The following SLFN14 variants were observed in gnomAD, a reference collection of about 807,000 sequenced individuals.
The protein encoded by SLFN14 is schlafen family member 14.
In SLFN14, 47 loss-of-function variants were observed where a neutral mutation model predicts 58.6. The ratio of observed to expected loss-of-function variants is 0.80; its 90% confidence interval spans 0.64 to 1.02. The LOEUF is 1.02. Ranked by LOEUF, SLFN14 falls within the 50% of genes least tolerant of loss-of-function variation. The pLI is 0.00. For synonymous variants in SLFN14, 390 were observed against 387.3 expected, an observed-to-expected ratio of 1.01 and a Z score of -0.08; for missense variants, 967 against 1,078.4, an observed-to-expected ratio of 0.90 and a Z score of 1.45.
intron 5 of SLFN14, among the ~76,000 whole-genome samples, chr17:35,552,347 T>C (rs999963094): frequency 1.3e-5 from 2 of 152,052 alleles, no homozygotes; most frequent in African/African-American, 4.8e-5. Flanking sequence ...CTTCCACCTT[T>C]AAACATGGGG....
rs1422767120 is a variant in SLFN14, at chr17:35,557,524, T to C, written c.539A>G (p.Glu180Gly). 12 of 1,551,688 alleles carry C rather than the reference T, an allele frequency of 7.7e-6. No individual in the cohort carries two copies. Among genetic ancestry groups the C allele is most frequent in the Non-Finnish European group, 1.0e-5 (12 of 1,146,996 alleles). Residue 180 changes from glutamate (E) to glycine (G), a missense_variant, in exon 3 of 6, where the codon GAG becomes GGG. By Grantham distance (98) the Glu-to-Gly change is moderately conservative. Transcript: ENST00000674182. ...TGAGGCCAATATCCTCATATCTTCC[T>C]CTTCCTGAATGCATCTATTGAGAAC... is the stretch of plus-strand genomic sequence containing the variant. Reference protein sequence around the residue: ...QQVLNRCIQEEEDMRILASEF... With the variant: ...QQVLNRCIQEGEDMRILASEF...
chr17:35,554,569 G>A lies in SLFN14; in HGVS notation c.1189+7C>T, dbSNP rs2072630732. 3 of 1,523,894 alleles carry A rather than the reference G, an allele frequency of 2.0e-6. No homozygotes were observed. The highest frequency in any genetic ancestry group is 2.6e-6 in the Non-Finnish European group (3 of 1,135,720). 94.4% of individuals were successfully genotyped at this position (1,523,894 alleles called of 1,614,324 possible). On this transcript the variant is annotated splice_region_variant and intron_variant, in intron 4 of 5. Coordinates refer to ENST00000674182, the MANE Select transcript of SLFN14 (RefSeq NM_001129820.2). Reference sequence around the variant, plus strand: ...TAGTCCCCTAAGTTGAAATCAAGAGGGAATACCTGGAAACAAATGTCGTTG... The same window carrying A: ...TAGTCCCCTAAGTTGAAATCAAGAGAGAATACCTGGAAACAAATGTCGTTG...
At position 35,546,076 on chromosome 17, in the gene SLFN14, A is replaced by G. The variant is rs987736112; in HGVS notation, c.*2163T>C. Among the ~76,000 whole-genome samples the G allele has an allele frequency of 6.6e-6, 1 of 152,242 alleles. No individual in the cohort carries two copies. On this transcript the variant is annotated 3_prime_UTR_variant, in exon 6 of 6. Transcript: ENST00000674182. ...TTATTAAAAATTATATGATGCATGC[A>G]TATATTTTAAAAAGTCAAATGGTAC...
At position 35,546,581 on chromosome 17, in the gene SLFN14, A is replaced by T. The variant is rs976324669; in HGVS notation, c.*1658T>A. 6.6e-6 allele frequency among the ~76,000 whole-genome samples: 1 copy of T among 152,230 alleles called. No individual in the cohort carries two copies. Among genetic ancestry groups the T allele is most frequent in the African/African-American group, 2.4e-5 (1 of 41,466 alleles). ...CTAAACTTTTCTAGAAGTTAAAAAC[A>T]GTTTGGAAATATGAATACTTCCAAA... is the stretch of plus-strand genomic sequence containing the variant. On this transcript the variant is annotated 3_prime_UTR_variant, in exon 6 of 6. Coordinates refer to ENST00000674182, the MANE Select transcript of SLFN14 (RefSeq NM_001129820.2).
intron 5 of SLFN14, among the ~76,000 whole-genome samples, 155 bp from the exon 6 acceptor site, chr17:35,549,228 T>C (rs1053143265): frequency 6.6e-6 from 1 of 152,186 alleles, no homozygotes; most frequent in Non-Finnish European, 1.5e-5. Context: ...TAATTACAAG[T>C]TACCTGACAG....
In SLFN14 at chr17:35,548,381, T is replaced by C; in HGVS notation, c.2597A>G (p.Gln866Arg). The C allele has an allele frequency of 6.4e-7, 1 of 1,551,738 alleles. No individual in the cohort carries two copies. The highest frequency in any genetic ancestry group is 1.2e-5 in the South Asian group (1 of 84,068). The change falls in exon 6 of 6, where the codon CAG becomes CGG. Residue 866 changes from glutamine to arginine, a missense_variant. Coordinates refer to ENST00000674182, the MANE Select transcript of SLFN14 (RefSeq NM_001129820.2). ...AGTCCTCTCCAGGCCTGAAAATTGC[T>C]GAATACTGTCTAAAACAATGTGACT... is the stretch of plus-strand genomic sequence containing the variant. The part of the protein sequence containing the change: ...WGSHIVLDSI[Q>R]QFSGLERTVV...
Position 35,557,651 on chromosome 17 carries a change from C to A in SLFN14, c.412G>T (p.Ala138Ser). The change falls in exon 3 of 6, where the codon GCT becomes TCT. Residue 138 changes from alanine to serine, a missense_variant. By Grantham distance (99) the Ala-to-Ser change is moderately conservative (BLOSUM62 1). Coordinates refer to ENST00000674182, the MANE Select transcript of SLFN14 (RefSeq NM_001129820.2). ...SNLYRRDVTS[A>S]INLSASSALE... is the part of the protein sequence containing the mutation. ...GCACTGCTAGCACTCAAGTTGATAGCAGAAGTCACATCTCTCCGATACAAA... is the reference window on the plus strand; with the variant it reads ...GCACTGCTAGCACTCAAGTTGATAGAAGAAGTCACATCTCTCCGATACAAA... 1 of 1,551,672 alleles carries A rather than the reference C, an allele frequency of 6.4e-7. No homozygotes were observed. The highest frequency in any genetic ancestry group is 8.7e-7 in the Non-Finnish European group (1 of 1,146,980).
chr17:35,549,559 A>C (rs775787905), intron 5 of SLFN14, among the ~76,000 whole-genome samples: 1 of 152,254 alleles, frequency 6.6e-6, no homozygotes, highest in Non-Finnish European at 1.5e-5. Flanking sequence ...TTGGTAAGAG[A>C]AACATCAAGA....
chr17:35,555,942 C>T (rs2072648519), intron 3 of SLFN14, among the ~76,000 whole-genome samples: 1 of 152,142 alleles, frequency 6.6e-6, no homozygotes, highest in Non-Finnish European at 1.5e-5. Flanking sequence ...AGGTTATTAG[C>T]TCCTAATGTT....
chr17:35,552,951 G>A lies in SLFN14; in HGVS notation c.1683C>T (p.Asp561=), dbSNP rs888841638. The A allele has an allele frequency of 6.1e-5, 95 of 1,551,402 alleles. No individual in the cohort carries two copies. The highest frequency in any genetic ancestry group is 5.5e-4 in the South Asian group (46 of 84,048). The part of the protein sequence containing the change: ...VSLSSRSLLS[D]QMGCEFFNLL... Reference sequence around the variant, plus strand: ...AGTTGAAAAATTCACAGCCCATCTGGTCACTCAGAAGAGATCTGGAGGACA... The same window carrying A: ...AGTTGAAAAATTCACAGCCCATCTGATCACTCAGAAGAGATCTGGAGGACA... The change falls in exon 5 of 6, where the codon GAC becomes GAT. Residue 561 remains aspartate (D), a synonymous_variant. Coordinates refer to ENST00000674182, the MANE Select transcript of SLFN14 (RefSeq NM_001129820.2).
In SLFN14 at chr17:35,557,590, T is replaced by C. The variant is rs1327614040; in HGVS notation, c.473A>G (p.Gln158Arg). ...CTTCTTCACCCTTGGTCTTCCTCTT[T>C]GGGCTCTAAACCCCTTCTCTCTGAG... ...ELLREKGFRA[Q>R]RGRPRVKKLH... The change falls in exon 3 of 6, where the codon CAA becomes CGA. Residue 158 changes from glutamine to arginine, a missense_variant. Coordinates refer to ENST00000674182, the MANE Select transcript of SLFN14 (RefSeq NM_001129820.2). The C allele has an allele frequency of 2.6e-6, 4 of 1,551,692 alleles. No homozygotes were observed. In the East Asian group the frequency reaches 9.8e-5, roughly 38 times the overall value.
At chr17:35,556,777 GA>G (rs543211996) in intron 3 of SLFN14, among the ~76,000 whole-genome samples, 1 of 151,690 alleles carries the variant, frequency 6.6e-6, no homozygotes, top group Admixed American at 6.6e-5. Context: ...AGAGTCTAAA[GA>G]AAAAAAAGTT....
chr17:35,557,055 G>A lies in SLFN14; in HGVS notation c.1008C>T (p.Val336=). ...CCCACTGCTCAGCTGTCAGCCGTGT[G>A]ACAGAATTGTCTTTCATGATCCAGG... The part of the protein sequence containing the change: ...PDSWIMKDNS[V]TRLTAEQWVV... Residue 336 remains valine, a synonymous_variant, in exon 3 of 6, where the codon GTC becomes GTT. Coordinates refer to ENST00000674182, the MANE Select transcript of SLFN14 (RefSeq NM_001129820.2). The A allele has an allele frequency of 6.4e-7, 1 of 1,551,658 alleles. No homozygotes were observed. Among genetic ancestry groups the A allele is most frequent in the Non-Finnish European group, 8.7e-7 (1 of 1,146,970 alleles).
Position 35,553,242 on chromosome 17 carries a change from G to A in SLFN14, c.1392C>T (p.Asn464=), listed in dbSNP as rs371552357. 40 of 1,551,560 alleles carry A rather than the reference G, an allele frequency of 2.6e-5. No homozygotes were observed. In the African/African-American group the frequency reaches 4.5e-4, roughly 18 times the overall value. Residue 464 remains asparagine, a synonymous_variant, in exon 5 of 6, where the codon AAC becomes AAT. Coordinates refer to ENST00000674182, the MANE Select transcript of SLFN14 (RefSeq NM_001129820.2). ...VLCDALLIAV[N]SPVVLYTILI... is the part of the protein sequence containing the mutation. ...AGATTGTATAGAGTACCACGGGGCT[G>A]TTAACTGCTATCAGGAGAGCATCAC... is the stretch of plus-strand genomic sequence containing the variant.
Position 35,555,046 on chromosome 17 carries a change from TGG to T in SLFN14, c.1061-344_1061-343del, listed in dbSNP as rs201205181. On this transcript the variant is annotated intron_variant, in intron 3 of 5. Coordinates refer to ENST00000674182, the MANE Select transcript of SLFN14 (RefSeq NM_001129820.2). Reference sequence around the variant, plus strand: ...ATCTCTAAGAAGAAAAGGCATCTAGTGGGGATCAGCAAGGATTAAAGCACAGT... The same window carrying T: ...ATCTCTAAGAAGAAAAGGCATCTAGTGGATCAGCAAGGATTAAAGCACAGT... Among the ~76,000 whole-genome samples, 1,500 of 152,110 alleles carry T rather than the reference TGG, an allele frequency of 9.9e-3. 6 individuals carry two copies. Among genetic ancestry groups the T allele is most frequent in the Non-Finnish European group, 0.016 (1,084 of 67,976 alleles).
chr17:35,550,503 G>A (rs1035878253), intron 5 of SLFN14, among the ~76,000 whole-genome samples: 1 of 152,194 alleles, frequency 6.6e-6, no homozygotes, highest in Non-Finnish European at 1.5e-5. Context: ...CTGAGATCGT[G>A]CCACTGCACT....
chr17:35,560,179 A>C (rs999901487), intron 1 of SLFN14, among the ~76,000 whole-genome samples: 9 of 152,256 alleles, frequency 5.9e-5, no homozygotes, highest in Admixed American at 4.6e-4. Flanking sequence ...CCCACAAAAC[A>C]AATCTAATTG....
rs2072530299 is a variant in SLFN14, at chr17:35,545,830, C to A, written c.*2409G>T. ...GGACAACATTTAATAAATACCGATG[C>A]CCGAGCCTGTGTTCAGACACACTGA... On this transcript the variant is annotated 3_prime_UTR_variant, in exon 6 of 6. Coordinates refer to ENST00000674182, the MANE Select transcript of SLFN14 (RefSeq NM_001129820.2). Among the ~76,000 whole-genome samples, 2 of 152,148 alleles carry A rather than the reference C, an allele frequency of 1.3e-5. No homozygotes were observed.
Position 35,554,570 on chromosome 17 carries a change from G to C in SLFN14, c.1189+6C>G. The C allele has an allele frequency of 6.6e-7, 1 of 1,524,106 alleles. No individual in the cohort carries two copies. The allele number at this position is 1,524,106 out of a possible 1,614,324, so 94.4% of individuals were successfully genotyped here. A position where few individuals can be genotyped will look rare whatever the true frequency, so the allele number is the denominator to read the frequency against. ...AGTCCCCTAAGTTGAAATCAAGAGG[G>C]AATACCTGGAAACAAATGTCGTTGC... On this transcript the variant is annotated splice_donor_region_variant and intron_variant, in intron 4 of 5. Transcript: ENST00000674182.
Sources: allele counts gnomAD v4.1 joint callset (sites outside exome capture counted in the v4.1 genomes callset), GRCh38; gene constraint gnomAD v4.1.1; transcripts MANE v1.5; gene names NCBI Gene and HGNC (gene_info 2026-07-23, HGNC 2026-07-21).